The following MITD1 variants were observed in gnomAD, a reference collection of about 807,000 sequenced individuals.
The protein encoded by MITD1 is MIT domain-containing protein 1.
Under a neutral mutation model 34.9 loss-of-function variants are expected in MITD1, and 24 were observed. The ratio of observed to expected loss-of-function variants is 0.69; its 90% CI spans 0.50 to 0.97. The LOEUF (loss-of-function observed/expected upper bound fraction) is 0.97. MITD1 is among the 50% of genes least tolerant of loss of function. The probability of loss-of-function intolerance (pLI) is 0.00; values close to 1 mark genes in which losing one functional copy is unlikely to be tolerated. For missense variants in MITD1, 266 were observed against 294.6 expected (o/e 0.90, Z 0.71); for synonymous variants, 102 against 101.4 (o/e 1.01, Z -0.04).
chr2:99,179,677 C>T (rs1405692044), intron 1 of MITD1, among the ~76,000 whole-genome samples: 1 of 152,142 alleles, frequency 6.6e-6, no homozygotes, highest in African/African-American at 2.4e-5. Context: ...ATTCTCCTGC[C>T]TCAGCCTCCC....
At chr2:99,165,660 T>TATA (rs1487918451), downstream of MITD1, among the ~76,000 whole-genome samples, 1 of 152,202 alleles carries the variant, frequency 6.6e-6, no homozygotes, top group African/African-American at 2.4e-5. Flanking sequence ...TGGGTCCCCT[T>TATA]ATATGTTTGC....
At chr2:99,169,136 T>C (rs1368173895), downstream of MITD1, 1 of 286,576 alleles carries the variant, frequency 3.5e-6, no homozygotes, top group Non-Finnish European at 6.5e-6. Context: ...CGCAGCCAAG[T>C]AACAGAGAAG....
At position 99,180,990 on chromosome 2, in the gene MITD1, A is replaced by C; in HGVS notation, c.-9T>G. The C allele has an allele frequency of 6.2e-7, 1 of 1,612,048 alleles. No individual in the cohort carries two copies. The highest frequency in any genetic ancestry group is 8.5e-7 in the Non-Finnish European group (1 of 1,178,952). ...AGCCCGGACTTCGCCATAATTCTGG[A>C]AGTTCTCCTCCGCCTCAACCCAGGA... On this transcript the variant is annotated 5_prime_UTR_variant, in exon 1 of 7. Transcript: ENST00000289359.
At chr2:99,179,648 C>T (rs1004286116) in intron 1 of MITD1, among the ~76,000 whole-genome samples, 1 of 152,036 alleles carries the variant, frequency 6.6e-6, no homozygotes, top group Non-Finnish European at 1.5e-5. Context: ...CTGCAACCTC[C>T]GCCTCCCGGA....
rs375494997 is a variant in MITD1, at chr2:99,173,880, G to A, written c.253+35C>T. The stretch of plus-strand genomic sequence containing the variant: ...ATTGGGTGAATGGACAGTCACAGTT[G>A]TTTATGGATGCATTTTCTAAAACAA... On this transcript the variant is annotated intron_variant, in intron 2 of 6. Transcript: ENST00000289359. 9.2e-4 allele frequency: 1,210 copies of A among 1,311,964 alleles called. 2 individuals carry two copies. The highest frequency in any genetic ancestry group is 1.3e-3 in the Non-Finnish European group (1,144 of 906,068). The allele number at this position is 1,311,964 out of a possible 1,614,324, so 81.3% of individuals were successfully genotyped here.
At chr2:99,175,750 C>G (rs1201231126) in intron 1 of MITD1, among the ~76,000 whole-genome samples, 2 of 152,174 alleles carry the variant, frequency 1.3e-5, no homozygotes, top group Non-Finnish European at 2.9e-5. Context: ...CCTTCTCAAT[C>G]TATTTATTCA....
intron 4 of MITD1, 186 bp from the exon 5 acceptor site, chr2:99,170,838 C>T: frequency 2.6e-6 from 1 of 381,278 alleles, no homozygotes; most frequent in Non-Finnish European, 4.8e-6. Flanking sequence ...TTATCAAAAT[C>T]ATCTTTTTTT....
downstream of MITD1, among the ~76,000 whole-genome samples, chr2:99,167,438 A>G (rs77660918): frequency 5.3e-5 from 8 of 152,352 alleles, no homozygotes; most frequent in East Asian, 1.5e-3. Flanking sequence ...ATCTGGGGAT[A>G]GAACTCCAAA....
intron 1 of MITD1, 130 bp downstream of exon 1, chr2:99,180,701 T>G: frequency 1.3e-6 from 1 of 786,142 alleles, no homozygotes; most frequent in South Asian, 1.7e-5. Context: ...CTATAGAATA[T>G]CCCACCTTCT....
At chr2:99,165,133 T>G (rs952686129), downstream of MITD1, among the ~76,000 whole-genome samples, 25 of 152,004 alleles carry the variant, frequency 1.6e-4, 1 homozygote, top group African/African-American at 5.8e-4. Flanking sequence ...AGAGGTATGA[T>G]CTCAGCTCAC....
chr2:99,168,201 G>C (rs2093835756), downstream of MITD1, among the ~76,000 whole-genome samples: 1 of 152,138 alleles, frequency 6.6e-6, no homozygotes, highest in Admixed American at 6.5e-5. Context: ...GAGTGCAATG[G>C]CATGATCTCC....
intron 1 of MITD1, among the ~76,000 whole-genome samples, chr2:99,174,697 TCTC>T (rs1178022967): frequency 6.6e-6 from 1 of 152,162 alleles, no homozygotes; most frequent in Non-Finnish European, 1.5e-5. Context: ...TTCAAGCAAT[TCTC>T]CTGTCTTAGA....
In MITD1 at chr2:99,180,818, G is replaced by C. The variant is rs371315876; in HGVS notation, c.151+13C>G. On this transcript the variant is annotated intron_variant, in intron 1 of 6. Coordinates refer to ENST00000289359, the MANE Select transcript of MITD1 (RefSeq NM_138798.3). Reference sequence around the variant, plus strand: ...TTTTCCTCAGGTCCTCCCCGCCTTGGCTCATTGCTCACCTTTCAGAACCTG... The same window carrying C: ...TTTTCCTCAGGTCCTCCCCGCCTTGCCTCATTGCTCACCTTTCAGAACCTG... 1.2e-5 allele frequency: 20 copies of C among 1,611,050 alleles called. No homozygotes were observed. In the African/African-American group the frequency reaches 2.4e-4, roughly 19 times the overall value.
At chr2:99,180,284 C>T (rs2093910057) in intron 1 of MITD1, among the ~76,000 whole-genome samples, 1 of 152,146 alleles carries the variant, frequency 6.6e-6, no homozygotes, top group Non-Finnish European at 1.5e-5. Flanking sequence ...GTATAATAAA[C>T]ACCCTTATTA....
chr2:99,163,042 G>C, intron 7 of MITD1: 1 of 1,574,842 alleles, frequency 6.3e-7, no homozygotes, highest in South Asian at 1.2e-5. Flanking sequence ...AACAGTAAAT[G>C]GAATATTCTC....
chr2:99,163,387 G>A (rs1016972195), intron 7 of MITD1, among the ~76,000 whole-genome samples: 5 of 151,952 alleles, frequency 3.3e-5, no homozygotes, highest in African/African-American at 1.2e-4. Context: ...GAGTGCAGTG[G>A]TGCGATCTTG....
chr2:99,167,408 G>T (rs2093831988), downstream of MITD1, among the ~76,000 whole-genome samples: 2 of 152,096 alleles, frequency 1.3e-5, no homozygotes, highest in African/African-American at 4.8e-5. Flanking sequence ...TACCTGGTAG[G>T]CTTCTGGTGC....
chr2:99,169,700 C>A, intron 5 of MITD1, 90 bp from the exon 6 acceptor site: 1 of 1,072,812 alleles, frequency 9.3e-7, no homozygotes. Flanking sequence ...GCAAAATTTC[C>A]CCCTAACAAA....
chr2:99,167,950 CAG>C (rs1363235643), downstream of MITD1, among the ~76,000 whole-genome samples: 1 of 152,182 alleles, frequency 6.6e-6, no homozygotes, highest in Non-Finnish European at 1.5e-5. Flanking sequence ...AAAAGGAAAA[CAG>C]TGTCCAAGGC....
Sources: gnomAD v4.1 joint callset for allele counts (sites outside exome capture counted in the v4.1 genomes callset) on GRCh38, gnomAD v4.1.1 for gene constraint, MANE v1.5 for transcripts, NCBI Gene and HGNC (gene_info 2026-07-23, HGNC 2026-07-21) for gene names.